Variants in IGBP1C observed in about 807,000 individuals in gnomAD.
IGBP1C encodes the protein IGBP1 family member C, also known as immunoglobulin-binding protein 1 family member C.
At chr17:58,665,964 G>C in the IGBP1C span, among the ~76,000 whole-genome samples, 199 of 151,292 alleles carry the variant, frequency 1.3e-3, 1 homozygote, top group Admixed American at 9.2e-3. Flanking sequence ...CAGGAGAATC[G>C]CTTCAACCTA....
chr17:58,682,890 A>G, the IGBP1C span, among the ~76,000 whole-genome samples: 1 of 151,954 alleles, frequency 6.6e-6, no homozygotes, highest in Non-Finnish European at 1.5e-5. Context: ...TGCATACCTT[A>G]ATATCCTTTG....
At chr17:58,667,499 A>G in the IGBP1C span, among the ~76,000 whole-genome samples, 1 of 152,228 alleles carries the variant, frequency 6.6e-6, no homozygotes, top group African/African-American at 2.4e-5. Context: ...ACTGTTTACC[A>G]TGCATCTGGA....
chr17:58,679,642 GA>G, the IGBP1C span: 1 of 152,130 alleles, frequency 6.6e-6, no homozygotes, highest in Admixed American at 6.6e-5. Context: ...ACCTCACCCT[GA>G]AAAATCCACC....
the IGBP1C span, among the ~76,000 whole-genome samples, chr17:58,691,238 C>T: frequency 1.6e-4 from 25 of 152,176 alleles, no homozygotes; most frequent in East Asian, 4.2e-3. Flanking sequence ...ATGGCTATGG[C>T]CATTTGAAAT....
the IGBP1C span, among the ~76,000 whole-genome samples, chr17:58,670,583 G>A: frequency 6.6e-6 from 1 of 151,736 alleles, no homozygotes; most frequent in East Asian, 1.9e-4. Context: ...AGACCAGCCT[G>A]GCCAATATGG....
At chr17:58,666,619 G>C in the IGBP1C span, 1 of 152,116 alleles carries the variant, frequency 6.6e-6, no homozygotes, top group African/African-American at 2.4e-5. Flanking sequence ...GTAGGGATCA[G>C]CACAAAGTGC....
chr17:58,684,497 C>T, the IGBP1C span, among the ~76,000 whole-genome samples: 2 of 150,778 alleles, frequency 1.3e-5, no homozygotes, highest in South Asian at 4.2e-4. Context: ...ATTAGCCGGG[C>T]ATGGTGACAC....
At chr17:58,668,853 G>C in the IGBP1C span, among the ~76,000 whole-genome samples, 1 of 152,120 alleles carries the variant, frequency 6.6e-6, no homozygotes, top group African/African-American at 2.4e-5. Context: ...CCTGAGGACT[G>C]GGGGGTCAAT....
At chr17:58,682,188 A>C in the IGBP1C span, among the ~76,000 whole-genome samples, 12 of 151,764 alleles carry the variant, frequency 7.9e-5, no homozygotes, top group Non-Finnish European at 1.8e-4. Context: ...GGCTCAAGCA[A>C]TTGACCCGTC....
the IGBP1C span, among the ~76,000 whole-genome samples, chr17:58,689,953 A>C: frequency 6.8e-6 from 1 of 147,872 alleles, no homozygotes; most frequent in South Asian, 2.1e-4. Context: ...GGGTTCATGC[A>C]ATTCTCCTGC....
At chr17:58,660,726 G>GT in the IGBP1C span, 1 of 781,354 alleles carries the variant, frequency 1.3e-6, no homozygotes, top group Non-Finnish European at 2.4e-6. Flanking sequence ...AATTCTTCTG[G>GT]TGTTGCCTTG....
the IGBP1C span, among the ~76,000 whole-genome samples, chr17:58,669,277 A>C: frequency 6.6e-6 from 1 of 150,990 alleles, no homozygotes; most frequent in African/African-American, 2.4e-5. Flanking sequence ...GCTTGAACCC[A>C]GGAGGCAGAG....
the IGBP1C span, among the ~76,000 whole-genome samples, chr17:58,688,068 T>C: frequency 2.6e-5 from 4 of 152,160 alleles, no homozygotes; most frequent in Non-Finnish European, 4.4e-5. Context: ...TCAAAGAAAA[T>C]AAAATATATA....
the IGBP1C span, chr17:58,679,717 A>C: frequency 6.6e-6 from 1 of 152,046 alleles, no homozygotes; most frequent in Non-Finnish European, 1.5e-5. Flanking sequence ...CTGAGAGTTC[A>C]CCCTTAGATT....
At chr17:58,689,024 G>A in the IGBP1C span, among the ~76,000 whole-genome samples, 4 of 151,830 alleles carry the variant, frequency 2.6e-5, no homozygotes, top group Admixed American at 6.6e-5. Flanking sequence ...TCTGCCTCCC[G>A]GGTTCACACC....
At chr17:58,683,932 G>A in the IGBP1C span, among the ~76,000 whole-genome samples, 1 of 151,220 alleles carries the variant, frequency 6.6e-6, no homozygotes, top group African/African-American at 2.4e-5. Context: ...GGGCGTGGTG[G>A]TGCATCCCTG....
chr17:58,665,576 A>G, the IGBP1C span, among the ~76,000 whole-genome samples: 1 of 151,756 alleles, frequency 6.6e-6, no homozygotes, highest in Non-Finnish European at 1.5e-5. Flanking sequence ...AGCCTAGGCA[A>G]CAGGGTGAGA....
the IGBP1C span, among the ~76,000 whole-genome samples, chr17:58,689,460 C>T: frequency 6.6e-6 from 1 of 152,108 alleles, no homozygotes; most frequent in Admixed American, 6.6e-5. Context: ...ACCTCATGAT[C>T]CACCCGCCTT....
chr17:58,686,969 G>A, the IGBP1C span, among the ~76,000 whole-genome samples: 1 of 139,610 alleles, frequency 7.2e-6, no homozygotes, highest in African/African-American at 2.7e-5. Flanking sequence ...CATCTTTGGG[G>A]TTCAGGAGAT....
Sources: allele counts gnomAD v4.1 joint callset (sites outside exome capture counted in the v4.1 genomes callset), GRCh38; gene constraint gnomAD v4.1.1; transcripts MANE v1.5; gene names NCBI Gene and HGNC (gene_info 2026-07-23, HGNC 2026-07-21).